The following PPARD variants were observed in gnomAD, a reference collection of about 807,000 sequenced individuals.
PPARD encodes peroxisome proliferator-activated receptor delta.
In PPARD, 6 loss-of-function variants were observed where a neutral mutation model predicts 39.5. That is an observed-to-expected ratio of 0.15 (90% CI 0.08 to 0.30). The LOEUF is 0.30. Among genes scored for constraint, PPARD ranks in the 10% least tolerant of loss-of-function variants. The pLI is 1.00. For synonymous variants in PPARD, 210 were observed against 231.3 expected, an observed-to-expected ratio of 0.91 and a Z score of 0.83; for missense variants, 397 against 596.8, an observed-to-expected ratio of 0.67 and a Z score of 3.49.
rs199813956 is a variant in PPARD, at chr6:35,420,163, A to G, written c.167A>G (p.Asp56Gly). Residue 56 changes from aspartate to glycine, a missense_variant, in exon 4 of 8, where the codon GAC (aspartate) becomes GGC (glycine). Transcript: ENST00000360694. ...AGCTCCTCGCCACCCTCACTGCTGG[A>G]CCAACTGCAGATGGGCTGTGACGGG... ...SRSSSPPSLL[D>G]QLQMGCDGAS... 1.2e-5 allele frequency: 20 copies of G among 1,613,514 alleles called. No individual in the cohort carries two copies. The highest frequency in any genetic ancestry group is 1.6e-5 in the Non-Finnish European group (19 of 1,179,864).
At chr6:35,415,153 T>G (rs968867668) in intron 3 of PPARD, among the ~76,000 whole-genome samples, 12 of 152,204 alleles carry the variant, frequency 7.9e-5, no homozygotes, top group African/African-American at 2.7e-4. Flanking sequence ...TTGGTGGGCA[T>G]CAGGCTGGGC....
chr6:35,343,388 G>A (rs564696369), intron 1 of PPARD, among the ~76,000 whole-genome samples: 10 of 152,078 alleles, frequency 6.6e-5, no homozygotes, highest in African/African-American at 2.2e-4. Flanking sequence ...TCCTTTTTCC[G>A]ATTTCCTTCG....
Position 35,424,317 on chromosome 6 carries a change from C to T in PPARD, c.628-12C>T, listed in dbSNP as rs531223897. 1 of 1,608,590 alleles carries T rather than the reference C, an allele frequency of 6.2e-7. No individual in the cohort carries two copies. ...TCCCGAGGCCTGATCTCTAACGGGG[C>T]CTGGTTTTCAGCCCTTTGTGATCCA... On this transcript the variant is annotated splice_polypyrimidine_tract_variant and intron_variant, in intron 6 of 7. Transcript: ENST00000360694. The surrounding 1 kb of genome is among the most constrained non-coding windows in gnomAD (Gnocchi z 7.1).
At chr6:35,404,457 C>T (rs992976484) in intron 2 of PPARD, among the ~76,000 whole-genome samples, 3 of 152,154 alleles carry the variant, frequency 2.0e-5, no homozygotes, top group African/African-American at 4.8e-5. Context: ...TCAGGCTGTA[C>T]CATGTGGCAG....
rs558275286 is a variant in PPARD at position 35,375,209 on chromosome 6, GTTTTT to G, written c.-102+28080_-102+28084del. 5.9e-4 allele frequency among the ~76,000 whole-genome samples: 35 copies of G among 59,234 alleles called. No homozygotes were observed. The East Asian group carries it at 0.017, about 29-fold the overall frequency. 38.9% of individuals were successfully genotyped at this position (59,234 alleles called of 152,430 possible). A position where few individuals can be genotyped will look rare whatever the true frequency, so the allele number is the denominator to read the frequency against. ...TTTTTGCCTATTTTTCTCCTTCCGA[GTTTTT>G]TTTTTTTTTTTTTTTTTTTTGGAGA... On this transcript the variant is annotated intron_variant, in intron 2 of 7. Coordinates refer to ENST00000360694, the MANE Select transcript of PPARD (RefSeq NM_006238.5).
Position 35,426,403 on chromosome 6 carries a change from C to G in PPARD, c.*324C>G, listed in dbSNP as rs201935646. ...CCTCCCTTTCTCTCTCCACCCCCCA[C>G]GTCTGTCCTCCTTTCTTATTCTGTG... On this transcript the variant is annotated 3_prime_UTR_variant, in exon 8 of 8. Transcript: ENST00000360694. 7 of 403,734 alleles carry G rather than the reference C, an allele frequency of 1.7e-5. No homozygotes were observed. The East Asian group carries it at 3.1e-4, about 18-fold the overall frequency. 25.0% of individuals were successfully genotyped at this position (403,734 alleles called of 1,614,324 possible). A position where few individuals can be genotyped will look rare whatever the true frequency, so the allele number is the denominator to read the frequency against.
chr6:35,367,433 G>A (rs774138125), intron 2 of PPARD, among the ~76,000 whole-genome samples: 1 of 152,116 alleles, frequency 6.6e-6, no homozygotes, highest in Non-Finnish European at 1.5e-5. Flanking sequence ...TTCACAGCCC[G>A]TTCACTTCTG....
intron 2 of PPARD, chr6:35,348,689 T>A: frequency 1.0e-6 from 1 of 985,382 alleles, no homozygotes; most frequent in Non-Finnish European, 1.2e-6. Context: ...TGTCTCTCTG[T>A]CTGTGGGGGT....
chr6:35,343,041 C>G (rs1315695963), intron 1 of PPARD, among the ~76,000 whole-genome samples: 3 of 152,190 alleles, frequency 2.0e-5, no homozygotes, highest in South Asian at 4.1e-4. Flanking sequence ...GCCCGGGGGC[C>G]TCTCCCATTC....
intron 2 of PPARD, among the ~76,000 whole-genome samples, chr6:35,410,180 A>G (rs1041495293): frequency 1.3e-5 from 2 of 152,262 alleles, no homozygotes; most frequent in Non-Finnish European, 2.9e-5. Flanking sequence ...AACATCTTAA[A>G]GCAGATCTTT....
Position 35,424,199 on chromosome 6 carries a change from C to T in PPARD, c.627+51C>T. On this transcript the variant is annotated intron_variant, in intron 6 of 7. Coordinates refer to ENST00000360694, the MANE Select transcript of PPARD (RefSeq NM_006238.5). The surrounding 1 kb of genome is among the most constrained non-coding windows in gnomAD (Gnocchi z 7.1). ...GCAGCATCCTGGGCTCTGGGTCCCA[C>T]TGCCGCCTGCCTGACTCCGGGAGAG... 1 of 1,603,328 alleles carries T rather than the reference C, an allele frequency of 6.2e-7. No individual in the cohort carries two copies. The highest frequency in any genetic ancestry group is 1.7e-5 in the Admixed American group (1 of 59,288).
intron 2 of PPARD, among the ~76,000 whole-genome samples, chr6:35,355,169 C>T (rs1192768352): frequency 1.3e-5 from 2 of 152,074 alleles, no homozygotes; most frequent in Non-Finnish European, 2.9e-5. Context: ...CAGGGGAGTG[C>T]GTTGCAGCAC....
rs200832310 is a variant in PPARD, at chr6:35,425,089, A to G, written c.1078+310A>G. 5.1e-6 allele frequency: 5 copies of G among 982,302 alleles called. No individual in the cohort carries two copies. The highest frequency in any genetic ancestry group is 6.4e-6 in the Non-Finnish European group (5 of 776,642). 60.8% of individuals were successfully genotyped at this position (982,302 alleles called of 1,614,324 possible). ...GGAGTTCGAAACCAGCCTGGCCAAC[A>G]TGGTGAAACCCCGTCTCTACTAAAA... is the stretch of plus-strand genomic sequence containing the variant. On this transcript the variant is annotated intron_variant, in intron 7 of 7. Coordinates refer to ENST00000360694, the MANE Select transcript of PPARD (RefSeq NM_006238.5). The surrounding 1 kb of genome is among the most constrained non-coding windows in gnomAD (Gnocchi z 4.5).
Position 35,363,921 on chromosome 6 carries a change from A to G in PPARD, c.-102+16771A>G, listed in dbSNP as rs1762053788. Reference sequence around the variant, plus strand: ...GTATATTAACTGTGTTTTATATATTATATTAAATTAATATATTTATATATT... The same window carrying G: ...GTATATTAACTGTGTTTTATATATTGTATTAAATTAATATATTTATATATT... On this transcript the variant is annotated intron_variant, in intron 2 of 7. Coordinates refer to ENST00000360694, the MANE Select transcript of PPARD (RefSeq NM_006238.5). The surrounding 1 kb of genome is among the most constrained non-coding windows in gnomAD (Gnocchi z 4.5). Among the ~76,000 whole-genome samples, 1 of 149,874 alleles carries G rather than the reference A, an allele frequency of 6.7e-6. No homozygotes were observed. The highest frequency in any genetic ancestry group is 2.4e-5 in the African/African-American group (1 of 41,124).
intron 2 of PPARD, among the ~76,000 whole-genome samples, chr6:35,383,840 C>A (rs1763328384): frequency 6.8e-6 from 1 of 147,302 alleles, no homozygotes; most frequent in South Asian, 2.1e-4. Context: ...CGGCAGCTGC[C>A]CCGTCTGAGA....
At chr6:35,415,402 G>T (rs1007512698) in intron 3 of PPARD, among the ~76,000 whole-genome samples, 1 of 152,238 alleles carries the variant, frequency 6.6e-6, no homozygotes, top group Non-Finnish European at 1.5e-5. Flanking sequence ...TCACAGCCAT[G>T]ACAACGGCAT....
chr6:35,387,841 C>T (rs1186403055), intron 2 of PPARD, among the ~76,000 whole-genome samples: 2 of 151,002 alleles, frequency 1.3e-5, no homozygotes, highest in Non-Finnish European at 2.9e-5. Context: ...CCTGCCTCAG[C>T]CTCCCAAGTA....
At chr6:35,353,059 G>T (rs1761357811) in intron 2 of PPARD, among the ~76,000 whole-genome samples, 1 of 152,156 alleles carries the variant, frequency 6.6e-6, no homozygotes, top group Non-Finnish European at 1.5e-5. Flanking sequence ...AGGTAATGTG[G>T]TCTTGATACT....
intron 2 of PPARD, among the ~76,000 whole-genome samples, chr6:35,377,215 C>G (rs1428218483): frequency 6.6e-6 from 1 of 152,158 alleles, no homozygotes; most frequent in Non-Finnish European, 1.5e-5. Flanking sequence ...ATTGTGGTGT[C>G]AGTTCCACTC....
Sources: gnomAD v4.1 joint callset for allele counts (sites outside exome capture counted in the v4.1 genomes callset) on GRCh38, gnomAD v4.1.1 for gene constraint, Gnocchi (gnomAD v3.1) non-coding constraint, MANE v1.5 for transcripts, NCBI Gene and HGNC (gene_info 2026-07-23, HGNC 2026-07-21) for gene names.